The following PIK3R4 variants were observed in gnomAD, a reference collection of about 807,000 sequenced individuals.
PIK3R4 encodes the protein phosphoinositide-3-kinase regulatory subunit 4, also known as phosphoinositide 3-kinase regulatory subunit 4.
A neutral mutation model predicts 136.5 loss-of-function variants in PIK3R4; 46 were observed. The observed-to-expected ratio is 0.34, with a 90% CI of 0.27 to 0.43. The LOEUF (loss-of-function observed/expected upper bound fraction) is 0.43. Among genes scored for constraint, PIK3R4 ranks in the 20% least tolerant of loss-of-function variants. The pLI is 1.00. For missense variants in PIK3R4, 1,331 were observed against 1,649.5 expected (o/e 0.81, Z 3.35); for synonymous variants, 557 against 566.7 (o/e 0.98, Z 0.24).
chr3:130,715,992 C>T (rs557592393), intron 9 of PIK3R4, among the ~76,000 whole-genome samples: 4 of 152,232 alleles, frequency 2.6e-5, no homozygotes, highest in African/African-American at 7.2e-5. Context: ...AAATTTGGAT[C>T]GAAATGAACC....
chr3:130,738,714 T>C (rs1363710030), intron 2 of PIK3R4, among the ~76,000 whole-genome samples: 2 of 148,384 alleles, frequency 1.3e-5, no homozygotes, highest in African/African-American at 4.9e-5. Flanking sequence ...AGATGAGGAC[T>C]GTCACAAGGA....
intron 4 of PIK3R4, 32 bp from the exon 5 acceptor site, chr3:130,730,474 T>A (rs2066755361): frequency 6.8e-7 from 1 of 1,474,336 alleles, no homozygotes. Context: ...AATTTATAAT[T>A]ACAATCTTAA....
chr3:130,734,446 G>A (rs1344110397), intron 3 of PIK3R4, among the ~76,000 whole-genome samples: 1 of 152,194 alleles, frequency 6.6e-6, no homozygotes, highest in Non-Finnish European at 1.5e-5. Flanking sequence ...CTAAGAATCT[G>A]AGGAAAGCAA....
intron 2 of PIK3R4, among the ~76,000 whole-genome samples, chr3:130,737,904 A>G (rs1167912984): frequency 1.3e-5 from 2 of 152,244 alleles, no homozygotes; most frequent in Admixed American, 1.3e-4. Flanking sequence ...CTGAATGTGT[A>G]TCACTTTTGC....
At chr3:130,719,447 G>A (rs2066686281) in intron 7 of PIK3R4, among the ~76,000 whole-genome samples, 1 of 152,030 alleles carries the variant, frequency 6.6e-6, no homozygotes, top group Non-Finnish European at 1.5e-5. Context: ...ATATTAACAG[G>A]GGAAGGAGAA....
At chr3:130,732,964 T>C (rs1412788037) in intron 4 of PIK3R4, among the ~76,000 whole-genome samples, 3 of 152,066 alleles carry the variant, frequency 2.0e-5, no homozygotes, top group Non-Finnish European at 2.9e-5. Flanking sequence ...CAGAATTAAT[T>C]TGGGGAGCTA....
chr3:130,682,411 CT>C (rs2066464671), intron 16 of PIK3R4, among the ~76,000 whole-genome samples: 1 of 152,138 alleles, frequency 6.6e-6, no homozygotes, highest in Non-Finnish European at 1.5e-5. Flanking sequence ...GAATACAAGT[CT>C]GCTGCTACCT....
In PIK3R4 at chr3:130,744,824, A is replaced by G; in HGVS notation, c.395T>C (p.Ile132Thr). Reference protein sequence around the residue: ...NIEKRWIAFQILTAVDQAHKS... With the variant: ...NIEKRWIAFQTLTAVDQAHKS... ...GTGTGCTTGGTCCACAGCTGTCAGGATCTGGAAAGCAATCCAGCGCTTCTC... is the reference window on the plus strand; with the variant it reads ...GTGTGCTTGGTCCACAGCTGTCAGGGTCTGGAAAGCAATCCAGCGCTTCTC... The change falls in exon 2 of 20, where the codon ATC becomes ACC. Residue 132 changes from isoleucine (I) to threonine (T), a missense_variant. By Grantham distance (89) the Ile-to-Thr change is moderately conservative. Coordinates refer to ENST00000356763, the MANE Select transcript of PIK3R4 (RefSeq NM_014602.3). The G allele has an allele frequency of 6.2e-7, 1 of 1,614,226 alleles. No homozygotes were observed. Among genetic ancestry groups the G allele is most frequent in the South Asian group, 1.1e-5 (1 of 91,086 alleles).
intron 3 of PIK3R4, among the ~76,000 whole-genome samples, chr3:130,734,829 T>C (rs1260188580): frequency 2.6e-5 from 4 of 152,260 alleles, no homozygotes; most frequent in East Asian, 1.9e-4. Context: ...TCAGTCATTA[T>C]TGAAATACAA....
chr3:130,708,889 G>C (rs540206586), intron 9 of PIK3R4, among the ~76,000 whole-genome samples: 1 of 152,238 alleles, frequency 6.6e-6, no homozygotes, highest in South Asian at 2.1e-4. Flanking sequence ...GCAAAAGAAA[G>C]TGTACCTACT....
intron 2 of PIK3R4, among the ~76,000 whole-genome samples, chr3:130,741,474 C>T (rs972548582): frequency 5.3e-5 from 8 of 152,158 alleles, no homozygotes; most frequent in Non-Finnish European, 1.0e-4. Flanking sequence ...TATTTATTTT[C>T]TCAAAACTTT....
chr3:130,705,419 T>TA, intron 12 of PIK3R4, 142 bp downstream of exon 12: 1 of 625,834 alleles, frequency 1.6e-6, no homozygotes, highest in Non-Finnish European at 2.9e-6. Context: ...ATTTCTTACT[T>TA]ACTGCTTCTT....
At chr3:130,698,928 G>A (rs1309358120) in intron 13 of PIK3R4, among the ~76,000 whole-genome samples, 1 of 152,160 alleles carries the variant, frequency 6.6e-6, no homozygotes, top group Non-Finnish European at 1.5e-5. Flanking sequence ...TCAATGCCTT[G>A]AACAATTAAG....
chr3:130,691,508 C>T (rs1207548535), intron 13 of PIK3R4, among the ~76,000 whole-genome samples: 1 of 152,050 alleles, frequency 6.6e-6, no homozygotes, highest in Admixed American at 6.6e-5. Context: ...TGCCAAACTT[C>T]TTGAATATAT....
intron 8 of PIK3R4, 59 bp downstream of exon 8, chr3:130,718,329 AT>A (rs2066678269): frequency 5.7e-5 from 83 of 1,463,648 alleles, no homozygotes; most frequent in South Asian, 1.1e-4. Context: ...CTCTCTAAAC[AT>A]TTTTTTTAAA....
chr3:130,713,452 G>A (rs1010186828), intron 9 of PIK3R4, among the ~76,000 whole-genome samples: 2 of 152,148 alleles, frequency 1.3e-5, no homozygotes, highest in African/African-American at 4.8e-5. Flanking sequence ...CCAGTAACGG[G>A]GGCTGGCATT....
intron 9 of PIK3R4, among the ~76,000 whole-genome samples, chr3:130,712,600 G>A (rs751025632): frequency 4.7e-5 from 7 of 148,644 alleles, no homozygotes; most frequent in East Asian, 2.0e-4. Flanking sequence ...ACCGGGAGGC[G>A]GAGGTTGTGG....
intron 11 of PIK3R4, among the ~76,000 whole-genome samples, chr3:130,706,632 G>A (rs1386483434): frequency 1.3e-5 from 2 of 152,034 alleles, no homozygotes; most frequent in Non-Finnish European, 1.5e-5. Flanking sequence ...TTATACTGGA[G>A]GAGGAATAAA....
At chr3:130,695,659 C>T (rs967267028) in intron 13 of PIK3R4, among the ~76,000 whole-genome samples, 1 of 152,140 alleles carries the variant, frequency 6.6e-6, no homozygotes, top group African/African-American at 2.4e-5. Flanking sequence ...GATAGAGACT[C>T]TATTCACATA....
Sources: gnomAD v4.1 joint callset for allele counts (sites outside exome capture counted in the v4.1 genomes callset) on GRCh38, gnomAD v4.1.1 for gene constraint, MANE v1.5 for transcripts, NCBI Gene and HGNC (gene_info 2026-07-23, HGNC 2026-07-21) for gene names.